The following TTLL9 variants were observed in gnomAD, a reference collection of about 807,000 sequenced individuals.
TTLL9 encodes the protein probable tubulin polyglutamylase TTLL9.
TTLL9 carries 47 observed loss-of-function variants against 65.6 expected under a neutral mutation model. The ratio of observed to expected loss-of-function variants is 0.72; its 90% confidence interval spans 0.57 to 0.91. The LOEUF (loss-of-function observed/expected upper bound fraction) is 0.91. Among genes scored for constraint, TTLL9 ranks in the 40% least tolerant of loss-of-function variants. The probability of loss-of-function intolerance (pLI) is 0.00; values close to 1 mark genes in which losing one functional copy is unlikely to be tolerated. For missense variants in TTLL9, 537 were observed against 568.8 expected (o/e 0.94, Z 0.57); for synonymous variants, 179 against 204.8 (o/e 0.87, Z 1.07).
chr20:31,892,760 G>C (rs1429934878), intron 3 of TTLL9, among the ~76,000 whole-genome samples: 1 of 152,158 alleles, frequency 6.6e-6, no homozygotes, highest in Admixed American at 6.6e-5. Context: ...TATGGCTCTA[G>C]GGGATTACAA....
intron 7 of TTLL9, among the ~76,000 whole-genome samples, chr20:31,921,007 G>C (rs1192599803): frequency 6.6e-6 from 1 of 152,192 alleles, no homozygotes; most frequent in Admixed American, 6.5e-5. Flanking sequence ...AGAAGAAGGA[G>C]CAATGTCCTC....
At chr20:31,895,932 C>T (rs780794166) in intron 3 of TTLL9, among the ~76,000 whole-genome samples, 13 of 151,968 alleles carry the variant, frequency 8.6e-5, no homozygotes, top group East Asian at 1.9e-4. Context: ...TTCCATCTCC[C>T]GGGTTCAAGC....
chr20:31,927,254 G>T (rs1289203175), intron 10 of TTLL9, among the ~76,000 whole-genome samples: 1 of 152,072 alleles, frequency 6.6e-6, no homozygotes. Context: ...GGCCAAGGCA[G>T]GTGGATCACC....
intron 3 of TTLL9, among the ~76,000 whole-genome samples, chr20:31,896,063 C>A (rs140595222): frequency 1.1e-3 from 163 of 152,126 alleles, no homozygotes; most frequent in African/African-American, 3.4e-3. Flanking sequence ...TGGTCTGGAA[C>A]TCCTGATCTC....
chr20:31,899,172 A>G (rs1361684287), intron 4 of TTLL9, among the ~76,000 whole-genome samples: 1 of 152,252 alleles, frequency 6.6e-6, no homozygotes, highest in Non-Finnish European at 1.5e-5. Context: ...GTCCATATGT[A>G]GGAAGTTCAG....
At chr20:31,871,271 G>A (rs1012588564) in intron 2 of TTLL9, 76 bp downstream of exon 2, 15 of 1,513,362 alleles carry the variant, frequency 9.9e-6, no homozygotes, top group Non-Finnish European at 1.4e-5. Flanking sequence ...AATAGCTAGA[G>A]GTCAGGGTCC....
chr20:31,937,392 C>T lies in TTLL9; in HGVS notation c.1005-4C>T. 1 of 1,613,028 alleles carries T rather than the reference C, an allele frequency of 6.2e-7. No homozygotes were observed. On this transcript the variant is annotated splice_polypyrimidine_tract_variant and splice_region_variant and intron_variant, in intron 12 of 14. Transcript: ENST00000535842. Reference sequence around the variant, plus strand: ...TAAGACTCTCTACTCCCCTCCCTTCCCAGGTGGCTCCTGGAGGTCAATGCG... The same window carrying T: ...TAAGACTCTCTACTCCCCTCCCTTCTCAGGTGGCTCCTGGAGGTCAATGCG...
intron 6 of TTLL9, among the ~76,000 whole-genome samples, chr20:31,918,869 C>T (rs1159846126): frequency 6.6e-6 from 1 of 152,198 alleles, no homozygotes; most frequent in Non-Finnish European, 1.5e-5. Flanking sequence ...GTCTTCTGGG[C>T]CCACACAACC....
chr20:31,925,941 G>T, intron 9 of TTLL9, 108 bp from the exon 10 acceptor site: 1 of 1,563,586 alleles, frequency 6.4e-7, no homozygotes, highest in South Asian at 1.2e-5. Flanking sequence ...GCTTCACACT[G>T]AACAGCATTG....
chr20:31,873,521 T>A (rs948053299), intron 2 of TTLL9, among the ~76,000 whole-genome samples: 61 of 151,560 alleles, frequency 4.0e-4, no homozygotes, highest in African/African-American at 1.4e-3. Context: ...TAGCCGGGTG[T>A]GGTGGCACGA....
At chr20:31,928,234 A>G (rs546908007) in intron 10 of TTLL9, among the ~76,000 whole-genome samples, 2 of 152,072 alleles carry the variant, frequency 1.3e-5, no homozygotes, top group South Asian at 4.1e-4. Context: ...GTTTCTAGTT[A>G]ATGAGGCTTT....
intron 2 of TTLL9, among the ~76,000 whole-genome samples, chr20:31,875,294 T>C (rs2063022229): frequency 6.6e-6 from 1 of 152,184 alleles, no homozygotes; most frequent in African/African-American, 2.4e-5. Context: ...AAATACCTAG[T>C]AGAAAGACTG....
At chr20:31,873,106 C>A in intron 2 of TTLL9, 1 of 478,050 alleles carries the variant, frequency 2.1e-6, no homozygotes, top group South Asian at 1.5e-5. Context: ...GGGATGGACT[C>A]AGCATATATG....
intron 2 of TTLL9, among the ~76,000 whole-genome samples, chr20:31,873,764 G>GAAAA (rs139725600): frequency 6.9e-6 from 1 of 144,144 alleles, no homozygotes; most frequent in Non-Finnish European, 1.5e-5. Context: ...AAGAAAGAAA[G>GAAAA]AAAGAGAAAG....
At chr20:31,910,992 G>A (rs751256565) in intron 6 of TTLL9, among the ~76,000 whole-genome samples, 56 of 152,076 alleles carry the variant, frequency 3.7e-4, no homozygotes, top group Non-Finnish European at 7.2e-4. Flanking sequence ...TGGCCTACAT[G>A]GTGAAACCCC....
chr20:31,927,975 G>A (rs2063937792), intron 10 of TTLL9, among the ~76,000 whole-genome samples: 1 of 150,764 alleles, frequency 6.6e-6, no homozygotes, highest in Non-Finnish European at 1.5e-5. Flanking sequence ...CTTCCAGTAC[G>A]TTCATTTTAT....
intron 6 of TTLL9, 98 bp downstream of exon 6, chr20:31,910,020 T>C: frequency 8.0e-7 from 1 of 1,247,556 alleles, no homozygotes; most frequent in Non-Finnish European, 1.1e-6. Flanking sequence ...CAGCCTTAGA[T>C]GCTGTCTGCC....
intron 4 of TTLL9, among the ~76,000 whole-genome samples, chr20:31,908,264 G>A (rs932104322): frequency 6.6e-6 from 1 of 152,198 alleles, no homozygotes; most frequent in African/African-American, 2.4e-5. Flanking sequence ...GAGAGTCATG[G>A]GGACTGTGGT....
chr20:31,932,468 T>C, intron 10 of TTLL9, among the ~76,000 whole-genome samples: 1 of 58,804 alleles, frequency 1.7e-5, no homozygotes, highest in African/African-American at 1.5e-4. Context: ...CAAGACCCTG[T>C]CTCAAAAAAA....
Sources: allele counts gnomAD v4.1 joint callset (sites outside exome capture counted in the v4.1 genomes callset), GRCh38; gene constraint gnomAD v4.1.1; transcripts MANE v1.5; gene names NCBI Gene and HGNC (gene_info 2026-07-23, HGNC 2026-07-21).